The following CSNK2A2 variants were observed in gnomAD, a reference collection of about 807,000 sequenced individuals.
The protein encoded by CSNK2A2 is casein kinase 2 alpha 2.
In CSNK2A2, 8 loss-of-function variants were observed where a neutral mutation model predicts 54.0. That is an observed-to-expected ratio of 0.15 (90% CI 0.09 to 0.27). The LOEUF is 0.27. Among genes scored for constraint, CSNK2A2 ranks in the 10% least tolerant of loss-of-function variants. The pLI, the probability that CSNK2A2 is intolerant of heterozygous loss-of-function variation, is 1.00. For missense variants in CSNK2A2, 242 were observed against 439.4 expected, an observed-to-expected ratio of 0.55 and a Z score of 4.02; for synonymous variants, 141 against 153.9, an observed-to-expected ratio of 0.92 and a Z score of 0.62.
Position 58,186,676 on chromosome 16 carries a change from G to A in CSNK2A2, c.318+79C>T, listed in dbSNP as rs140769300. ...ACCACCATCCCCACTGTATCATTAC[G>A]TGAGGTTCTGTGTGTTAAACAACTC... On this transcript the variant is annotated intron_variant, in intron 3 of 11. Transcript: ENST00000262506. The A allele has an allele frequency of 4.3e-4, 405 of 945,322 alleles. 4 individuals are homozygous for A. In the African/African-American group the frequency reaches 5.6e-3, roughly 13 times the overall value. 58.6% of individuals were successfully genotyped at this position (945,322 alleles called of 1,614,324 possible).
chr16:58,169,953 C>T (rs960399121), intron 5 of CSNK2A2, among the ~76,000 whole-genome samples: 3 of 151,430 alleles, frequency 2.0e-5, no homozygotes, highest in South Asian at 2.1e-4. Context: ...GGCTAAGGCA[C>T]GAGAATTGCC....
At chr16:58,191,010 G>A (rs1422914724) in intron 2 of CSNK2A2, among the ~76,000 whole-genome samples, 1 of 152,212 alleles carries the variant, frequency 6.6e-6, no homozygotes, top group Non-Finnish European at 1.5e-5. Context: ...ACAAAATGTG[G>A]TATATACATA....
intron 11 of CSNK2A2, chr16:58,161,022 C>T (rs37358): frequency 0.37 from 56,645 of 152,018 alleles, 11,035 homozygotes; most frequent in Non-Finnish European, 0.45. Flanking sequence ...GCTTGGTCTG[C>T]GTCATACACT....
At chr16:58,168,816 C>T (rs2142414583) in intron 5 of CSNK2A2, 123 bp from the exon 6 acceptor site, 1 of 714,148 alleles carries the variant, frequency 1.4e-6, no homozygotes, top group Admixed American at 2.8e-5. Context: ...AGCTTGCTGC[C>T]TGTAATGAAA....
intron 3 of CSNK2A2, among the ~76,000 whole-genome samples, chr16:58,185,381 T>C (rs1021816905): frequency 3.3e-5 from 5 of 152,204 alleles, no homozygotes; most frequent in Non-Finnish European, 7.3e-5. Flanking sequence ...GACCTTCTAA[T>C]AGACAAGGGG....
chr16:58,174,407 T>C (rs764833752), intron 5 of CSNK2A2, 44 bp downstream of exon 5: 1 of 1,346,304 alleles, frequency 7.4e-7, no homozygotes, highest in Non-Finnish European at 1.0e-6. Flanking sequence ...TATCTTTTAA[T>C]GAACAGGCCT....
intron 2 of CSNK2A2, among the ~76,000 whole-genome samples, chr16:58,187,316 G>A (rs186134732): frequency 6.6e-6 from 1 of 152,190 alleles, no homozygotes; most frequent in African/African-American, 2.4e-5. Context: ...ACTGACATCA[G>A]GTTACAAACT....
intron 6 of CSNK2A2, among the ~76,000 whole-genome samples, chr16:58,168,375 T>G (rs1014832830): frequency 6.6e-6 from 1 of 152,266 alleles, no homozygotes; most frequent in East Asian, 1.9e-4. Flanking sequence ...TCCAGAAAAC[T>G]ATGACCAAAA....
chr16:58,171,809 A>T (rs1961743354), intron 5 of CSNK2A2, among the ~76,000 whole-genome samples: 1 of 150,584 alleles, frequency 6.6e-6, no homozygotes. Context: ...ATTTTTTTGT[A>T]CAGGGCCTTG....
Position 58,169,686 on chromosome 16 carries a change from C to T in CSNK2A2, c.430-993G>A, listed in dbSNP as rs529115896. Among the ~76,000 whole-genome samples, 8 of 152,276 alleles carry T rather than the reference C, an allele frequency of 5.3e-5. No homozygotes were observed. In the East Asian group the frequency reaches 1.4e-3, roughly 26 times the overall value. On this transcript the variant is annotated intron_variant, in intron 5 of 11. Coordinates refer to ENST00000262506, the MANE Select transcript of CSNK2A2 (RefSeq NM_001896.4). ...GCTTATTTTGTACATAAGGGTCCCACGTGGGTTTTCTAGATGACCAAGTAT... is the reference window on the plus strand; with the variant it reads ...GCTTATTTTGTACATAAGGGTCCCATGTGGGTTTTCTAGATGACCAAGTAT...
At chr16:58,196,887 T>A (rs1344894270) in intron 1 of CSNK2A2, 43 bp from the exon 2 acceptor site, 2 of 1,255,396 alleles carry the variant, frequency 1.6e-6, no homozygotes, top group Non-Finnish European at 2.3e-6. Flanking sequence ...GACTGGGGGT[T>A]AACCAAGCCT....
intron 4 of CSNK2A2, among the ~76,000 whole-genome samples, chr16:58,181,433 C>T (rs1041927617): frequency 6.6e-6 from 1 of 152,166 alleles, no homozygotes; most frequent in East Asian, 1.9e-4. Flanking sequence ...GGCTAAGATA[C>T]CAGCAGCCAA....
chr16:58,179,500 CAA>C (rs34109104), intron 4 of CSNK2A2, among the ~76,000 whole-genome samples: 5 of 133,556 alleles, frequency 3.7e-5, no homozygotes, highest in Non-Finnish European at 5.0e-5. Flanking sequence ...GGCTCTGTCT[CAA>C]AAAAAAAAAA....
chr16:58,189,615 G>A (rs1269029018), intron 2 of CSNK2A2, among the ~76,000 whole-genome samples: 1 of 152,196 alleles, frequency 6.6e-6, no homozygotes, highest in African/African-American at 2.4e-5. Flanking sequence ...CATAGCAACT[G>A]AAGCATATTT....
chr16:58,158,377 G>GAA (rs1051095925), intron 11 of CSNK2A2, 24 bp from the exon 12 acceptor site: 24 of 152,744 alleles, frequency 1.6e-4, no homozygotes, highest in African/African-American at 5.8e-4. Context: ...CGGGAGGAGG[G>GAA]AAAGACGTCA....
chr16:58,158,537 C>T (rs1961218998), intron 11 of CSNK2A2, among the ~76,000 whole-genome samples, 184 bp from the exon 12 acceptor site: 1 of 152,202 alleles, frequency 6.6e-6, no homozygotes, highest in Non-Finnish European at 1.5e-5. Context: ...CCTTCCTCTT[C>T]TGATTATCAT....
chr16:58,192,726 G>C (rs1325217098), intron 2 of CSNK2A2: 1 of 152,234 alleles, frequency 6.6e-6, no homozygotes, highest in Non-Finnish European at 1.5e-5. Flanking sequence ...GTACAGATCA[G>C]GACATCACAA....
intron 11 of CSNK2A2, chr16:58,163,301 A>G (rs1221596164): frequency 2.0e-5 from 3 of 151,914 alleles, no homozygotes; most frequent in Non-Finnish European, 2.9e-5. Context: ...AAAAATAGCA[A>G]CAAGATTTTA....
chr16:58,170,063 A>C (rs1055192233), intron 5 of CSNK2A2, among the ~76,000 whole-genome samples: 4 of 152,166 alleles, frequency 2.6e-5, no homozygotes, highest in African/African-American at 9.7e-5. Flanking sequence ...TTATCATTAC[A>C]TATTATTCCA....
Sources: gnomAD v4.1 joint callset for allele counts (sites outside exome capture counted in the v4.1 genomes callset) on GRCh38, gnomAD v4.1.1 for gene constraint, MANE v1.5 for transcripts, NCBI Gene and HGNC (gene_info 2026-07-23, HGNC 2026-07-21) for gene names.